CUTC: variants seen among roughly 807,000 people sequenced by gnomAD.
CUTC encodes the protein copper homeostasis protein cutC homolog.
CUTC carries 27 observed loss-of-function variants against 36.2 expected under a neutral mutation model. The ratio of observed to expected loss-of-function variants is 0.75; its 90% CI spans 0.55 to 1.03. CUTC has a LOEUF of 1.03. CUTC is among the 50% of genes least tolerant of loss of function. CUTC has a pLI of 0.00. For synonymous variants in CUTC, 114 were observed against 118.3 expected, an observed-to-expected ratio of 0.96 and a Z score of 0.24; for missense variants, 315 against 343.5, an observed-to-expected ratio of 0.92 and a Z score of 0.66.
chr10:99,742,550 A>T (rs2133669785), intron 3 of CUTC, among the ~76,000 whole-genome samples: 2 of 152,300 alleles, frequency 1.3e-5, no homozygotes, highest in Middle Eastern at 6.8e-3. Flanking sequence ...AAAGAAATTC[A>T]TACTGGGTAA....
At chr10:99,754,184 T>C (rs1205987304) in intron 7 of CUTC, among the ~76,000 whole-genome samples, 1 of 152,226 alleles carries the variant, frequency 6.6e-6, no homozygotes, top group Non-Finnish European at 1.5e-5. Context: ...TCTGAGGTTG[T>C]GCTTTTGTAG....
At position 99,739,715 on chromosome 10, in the gene CUTC, G is replaced by A. The variant is rs558736025; in HGVS notation, c.139G>A (p.Asp47Asn). ...GCAATGCTTTTATATTACAGGTGCTGATCGGATTGAATTATGTTCTGGTTT... is the reference window on the plus strand; with the variant it reads ...GCAATGCTTTTATATTACAGGTGCTAATCGGATTGAATTATGTTCTGGTTT... Reference protein sequence around the residue: ...SAVNAERGGADRIELCSGLSE... With the variant: ...SAVNAERGGANRIELCSGLSE... The change falls in exon 3 of 9, where the codon GAT becomes AAT. Residue 47 changes from aspartate (D) to asparagine (N), a missense_variant. Physicochemically the swap from Asp to Asn is conservative, Grantham distance 23. Coordinates refer to ENST00000370476, the MANE Select transcript of CUTC (RefSeq NM_015960.3). 1 of 1,610,882 alleles carries A rather than the reference G, an allele frequency of 6.2e-7. No homozygotes were observed. Among genetic ancestry groups the A allele is most frequent in the African/African-American group, 1.3e-5 (1 of 74,852 alleles).
rs755433057 is a variant in CUTC, at chr10:99,747,363, A to AC, written c.550dup (p.Leu184ProfsTer7). 1 of 1,614,112 alleles carries AC rather than the reference A, an allele frequency of 6.2e-7. No individual in the cohort carries two copies. The highest frequency in any genetic ancestry group is 1.7e-5 in the Admixed American group (1 of 60,014). On this transcript the variant is annotated frameshift_variant, in exon 6 of 9. Transcript: ENST00000370476. LOFTEE classifies it high-confidence loss of function. Reference sequence around the variant, plus strand: ...GTGACAGTTCAGCATTAGAAGGGCTACCCCTAATAAAGCGACTCATTGAGC... The same window carrying AC: ...GTGACAGTTCAGCATTAGAAGGGCTACCCCCTAATAAAGCGACTCATTGAGC...
chr10:99,738,412 G>A (rs1217609884), intron 2 of CUTC, among the ~76,000 whole-genome samples: 3 of 151,656 alleles, frequency 2.0e-5, no homozygotes, highest in African/African-American at 7.3e-5. Flanking sequence ...GTGTGTGTGT[G>A]TGTGTGTGTG....
Position 99,755,847 on chromosome 10 carries a change from T to C in CUTC, c.*108T>C. ...TCTTCTCTGGCCAGGACAGTCGCAA[T>C]CTTTGTTTTAAGTTTCACATGGCCA... On this transcript the variant is annotated 3_prime_UTR_variant, in exon 9 of 9. Transcript: ENST00000370476. The C allele has an allele frequency of 1.5e-6, 1 of 688,696 alleles. No homozygotes were observed. Among genetic ancestry groups the C allele is most frequent in the South Asian group, 1.9e-5 (1 of 51,598 alleles). 42.7% of individuals were successfully genotyped at this position (688,696 alleles called of 1,614,324 possible). A position where few individuals can be genotyped will look rare whatever the true frequency, so the allele number is the denominator to read the frequency against.
chr10:99,753,679 G>A (rs2037435224), intron 7 of CUTC, among the ~76,000 whole-genome samples: 1 of 152,204 alleles, frequency 6.6e-6, no homozygotes, highest in East Asian at 1.9e-4. Flanking sequence ...CCAAAGTGTT[G>A]GAATTACAGG....
intron 6 of CUTC, 44 bp downstream of exon 6, chr10:99,747,434 T>C: frequency 6.2e-7 from 1 of 1,611,240 alleles, no homozygotes; most frequent in Non-Finnish European, 8.5e-7. Context: ...TCTGTTGTGG[T>C]TACTCCTGAC....
Position 99,755,879 on chromosome 10 carries a change from A to G in CUTC, c.*140A>G, listed in dbSNP as rs1455908654. On this transcript the variant is annotated 3_prime_UTR_variant, in exon 9 of 9. Coordinates refer to ENST00000370476, the MANE Select transcript of CUTC (RefSeq NM_015960.3). ...TTTAAGTTTCACATGGCCATGGAGA[A>G]TGTGCCCAAGAAGAAAAAGAATTTG... 5 of 577,988 alleles carry G rather than the reference A, an allele frequency of 8.7e-6. No homozygotes were observed. Among genetic ancestry groups the G allele is most frequent in the East Asian group, 8.6e-5 (3 of 34,754 alleles). The allele number at this position is 577,988 out of a possible 1,614,324, so 35.8% of individuals were successfully genotyped here. A position where few individuals can be genotyped will look rare whatever the true frequency, so the allele number is the denominator to read the frequency against.
rs1460832561 is a variant in CUTC, at chr10:99,747,314, TTGAACGCG to T, written c.500_507del (p.Glu167ValfsTer6). The T allele has an allele frequency of 1.2e-5, 19 of 1,614,212 alleles. No homozygotes were observed. The highest frequency in any genetic ancestry group is 1.6e-5 in the Non-Finnish European group (19 of 1,180,026). On this transcript the variant is annotated frameshift_variant, in exon 6 of 9. Transcript: ENST00000370476. LOFTEE classifies it high-confidence loss of function. ...CTGGAGACCCTCTTAACCTTGGGAT[TTGAACGCG>T]TGTTGACCAGTGGATGTGACAGTTC...
chr10:99,749,686 C>T (rs1488953538), intron 6 of CUTC, among the ~76,000 whole-genome samples: 1 of 152,064 alleles, frequency 6.6e-6, no homozygotes, highest in East Asian at 1.9e-4. Flanking sequence ...TATGAAGCAT[C>T]CTTGTTCCAT....
At position 99,744,770 on chromosome 10, in the gene CUTC, T is replaced by C. The variant is rs553757275; in HGVS notation, c.439+698T>C. ...AGATATAATTTTTTTTGTTTGTTTG[T>C]TTGAGACGGAGTCTCGCTCTGTCGC... On this transcript the variant is annotated intron_variant, in intron 5 of 8. Coordinates refer to ENST00000370476, the MANE Select transcript of CUTC (RefSeq NM_015960.3). 7.2e-5 allele frequency among the ~76,000 whole-genome samples: 11 copies of C among 152,354 alleles called. No homozygotes were observed. The South Asian group carries it at 2.1e-3, about 29-fold the overall frequency.
In CUTC at chr10:99,755,695, A is replaced by C. The variant is rs940762924; in HGVS notation, c.778A>C (p.Lys260Gln). 1.1e-5 allele frequency: 18 copies of C among 1,613,994 alleles called. No individual in the cohort carries two copies. The highest frequency in any genetic ancestry group is 1.3e-5 in the Non-Finnish European group (15 of 1,179,914). The change falls in exon 9 of 9, where the codon AAA (lysine) becomes CAA (glutamine). Residue 260 changes from lysine (K) to glutamine (Q), a missense_variant. Transcript: ENST00000370476. Reference protein sequence around the residue: ...EYSLKVTDVTKVRTLNAIAKN... With the variant: ...EYSLKVTDVTQVRTLNAIAKN... ...TTCCCTAAAGGTAACAGATGTGACCAAAGTAAGGACTTTGAATGCTATCGC... is the reference window on the plus strand; with the variant it reads ...TTCCCTAAAGGTAACAGATGTGACCCAAGTAAGGACTTTGAATGCTATCGC...
intron 8 of CUTC, among the ~76,000 whole-genome samples, 161 bp downstream of exon 8, chr10:99,754,795 G>T (rs892280117): frequency 6.6e-6 from 1 of 152,174 alleles, no homozygotes; most frequent in Non-Finnish European, 1.5e-5. Context: ...TTTCTAAAAT[G>T]GTTCTTGTCC....
intron 1 of CUTC, 22 bp from the exon 2 acceptor site, chr10:99,736,224 T>C: frequency 1.9e-6 from 3 of 1,606,812 alleles, no homozygotes; most frequent in Non-Finnish European, 2.6e-6. Context: ...TATGAACTCT[T>C]ACCATTCTCC....
At chr10:99,749,447 A>C (rs17112216) in intron 6 of CUTC, among the ~76,000 whole-genome samples, 3,203 of 152,306 alleles carry the variant, frequency 0.021, 103 homozygotes, top group African/African-American at 0.072. Flanking sequence ...CTATATTATT[A>C]AATCACTTTG....
At chr10:99,740,109 CATACAT>C (rs2037330902) in intron 3 of CUTC, among the ~76,000 whole-genome samples, 1 of 152,102 alleles carries the variant, frequency 6.6e-6, no homozygotes, top group Admixed American at 6.5e-5. Context: ...ATATTTTACT[CATACAT>C]ATATCAAAAA....
intron 2 of CUTC, among the ~76,000 whole-genome samples, chr10:99,738,884 A>C (rs993554551): frequency 6.6e-6 from 1 of 152,098 alleles, no homozygotes; most frequent in East Asian, 1.9e-4. Context: ...TTAGCAACCC[A>C]TATTTTAGTA....
intron 7 of CUTC, among the ~76,000 whole-genome samples, chr10:99,754,054 AGCT>A: frequency 6.6e-6 from 1 of 152,200 alleles, no homozygotes; most frequent in African/African-American, 2.4e-5. Context: ...TGAAGTATAA[AGCT>A]GATATCGTAA....
At chr10:99,754,747 T>C in intron 8 of CUTC, 113 bp downstream of exon 8, 1 of 701,992 alleles carries the variant, frequency 1.4e-6, no homozygotes. Flanking sequence ...TTGTGACTAC[T>C]ACATAAGTAT....
Sources: allele counts gnomAD v4.1 joint callset (sites outside exome capture counted in the v4.1 genomes callset), GRCh38; gene constraint gnomAD v4.1.1; transcripts MANE v1.5; gene names NCBI Gene and HGNC (gene_info 2026-07-23, HGNC 2026-07-21).